The following HJURP variants were observed in gnomAD, a reference collection of about 807,000 sequenced individuals.
The protein encoded by HJURP is Holliday junction recognition protein, also known as 14-3-3-associated AKT substrate.
A neutral mutation model predicts 72.0 loss-of-function variants in HJURP; 49 were observed. The observed-to-expected ratio is 0.68, with a 90% CI of 0.54 to 0.86. The LOEUF (loss-of-function observed/expected upper bound fraction) is 0.86. Among genes scored for constraint, HJURP ranks in the 40% least tolerant of loss-of-function variants. HJURP has a pLI of 0.00. For missense variants in HJURP, 908 were observed against 936.3 expected (o/e 0.97, Z 0.39); for synonymous variants, 357 against 347.1 (o/e 1.03, Z -0.32).
chr2:233,837,916 C>T (rs952581404), intron 8 of HJURP, among the ~76,000 whole-genome samples: 2 of 152,246 alleles, frequency 1.3e-5, no homozygotes, highest in East Asian at 1.9e-4. Flanking sequence ...CCAGCTAGCG[C>T]TGCTGCACGA....
intron 5 of HJURP, 83 bp downstream of exon 5, chr2:233,847,314 C>A: frequency 9.4e-7 from 1 of 1,066,378 alleles, no homozygotes; most frequent in East Asian, 2.4e-5. Context: ...CAGCGCTGCC[C>A]GCCTCAGGCC....
Position 233,847,426 on chromosome 2 carries a change from G to C in HJURP, c.373C>G (p.Gln125Glu), listed in dbSNP as rs151051560. The C allele has an allele frequency of 5.6e-5, 90 of 1,613,996 alleles. No homozygotes were observed. The African/African-American group carries it at 1.0e-3, about 18-fold the overall frequency. ...KSGEVDATSD[Q>E]EESVAWALAP... The stretch of plus-strand genomic sequence containing the variant: ...AAGGCCCAAGCAACTGACTCTTCCT[G>C]GTCTGACGTGGCATCGACCTCACCG... The change falls in exon 5 of 9, where the codon CAG becomes GAG. Residue 125 changes from glutamine to glutamate, a missense_variant. Around this residue, in one of 3 missense-constraint regions of HJURP, gnomAD observed 299 missense variants for 286.7 expected, o/e 1.04. Transcript: ENST00000411486.
intron 1 of HJURP, 97 bp downstream of exon 1, chr2:233,854,287 G>T: frequency 1.3e-6 from 1 of 780,530 alleles, no homozygotes; most frequent in Non-Finnish European, 2.0e-6. Context: ...CCCCCGCTCC[G>T]AGTCCTCAGA....
Position 233,840,907 on chromosome 2 carries a change from C to G in HJURP, c.1873G>C (p.Gly625Arg). ...AAGTGAGGGTCTGGATTTAATTTTC[C>G]TAAGAAGCCTTCTGTTTGATATCGA... ...EVRYQTEGFL[G>R]KLNPDPHFQG... Residue 625 changes from glycine (G) to arginine (R), a missense_variant, in exon 8 of 9, where the codon GGA becomes CGA. Gly to Arg is a moderately radical substitution (Grantham distance 125). Around this residue, in one of 3 missense-constraint regions of HJURP, gnomAD observed 598 missense variants for 619.5 expected, o/e 0.97. Coordinates refer to ENST00000411486, the MANE Select transcript of HJURP (RefSeq NM_018410.5). 1 of 1,614,142 alleles carries G rather than the reference C, an allele frequency of 6.2e-7. No homozygotes were observed. Among genetic ancestry groups the G allele is most frequent in the South Asian group, 1.1e-5 (1 of 91,070 alleles).
rs181283022 is a variant in HJURP at position 233,841,744 on chromosome 2, C to A, written c.1036G>T (p.Val346Phe). The change falls in exon 8 of 9, where the codon GTT becomes TTT. Residue 346 changes from valine to phenylalanine, a missense_variant. By Grantham distance (50) the Val-to-Phe change is conservative (BLOSUM62 -1). Coordinates refer to ENST00000411486, the MANE Select transcript of HJURP (RefSeq NM_018410.5). ...ALRDCKNVLD[V>F]SCRKTGLKLE... ...TTTAAACCTGTCTTACGGCAAGAAA[C>A]ATCTAATACGTTCTTGCAATCTCTT... 3 of 1,614,052 alleles carry A rather than the reference C, an allele frequency of 1.9e-6. No homozygotes were observed. In the African/African-American group the frequency reaches 4.0e-5, roughly 22 times the overall value.
intron 3 of HJURP, among the ~76,000 whole-genome samples, chr2:233,851,804 C>A: frequency 6.6e-6 from 1 of 152,082 alleles, no homozygotes; most frequent in East Asian, 1.9e-4. Flanking sequence ...AATAATTAAT[C>A]AAGAAGATTT....
intron 7 of HJURP, 143 bp from the exon 8 acceptor site, chr2:233,842,348 T>G (rs1205034592): frequency 1.6e-6 from 1 of 643,072 alleles, no homozygotes; most frequent in Admixed American, 3.3e-5. Context: ...TGTGTAGGAG[T>G]AGACTCTTCT....
At position 233,837,668 on chromosome 2, in the gene HJURP, G is replaced by T. The variant is rs775548300; in HGVS notation, c.2172-16C>A. ...GTTCTCTCCTCTAGGAAAAAAAAAA[G>T]ACAAAGAAAATGATGTTAGCAAAAT... is the stretch of plus-strand genomic sequence containing the variant. On this transcript the variant is annotated splice_polypyrimidine_tract_variant and intron_variant, in intron 8 of 8. Transcript: ENST00000411486. The T allele has an allele frequency of 8.5e-6, 13 of 1,526,740 alleles. No individual in the cohort carries two copies. Among genetic ancestry groups the T allele is most frequent in the Non-Finnish European group, 9.8e-6 (11 of 1,118,434 alleles). The allele number at this position is 1,526,740 out of a possible 1,614,324, so 94.6% of individuals were successfully genotyped here. A position where few individuals can be genotyped will look rare whatever the true frequency, so the allele number is the denominator to read the frequency against.
chr2:233,843,037 CAT>C (rs901915716), intron 7 of HJURP, among the ~76,000 whole-genome samples: 2 of 152,234 alleles, frequency 1.3e-5, no homozygotes, highest in African/African-American at 2.4e-5. Context: ...TGGATTATAA[CAT>C]GTGAATCAAA....
intron 3 of HJURP, 35 bp from the exon 4 acceptor site, chr2:233,849,894 TTGAG>T (rs1394214740): frequency 7.9e-7 from 1 of 1,267,796 alleles, no homozygotes; most frequent in African/African-American, 1.5e-5. Flanking sequence ...ACATGGTTGT[TTGAG>T]TGACAGCACA....
Position 233,852,586 on chromosome 2 carries a change from T to C in HJURP, c.219A>G (p.Glu73=). 6.2e-7 allele frequency: 1 copy of C among 1,604,884 alleles called. No individual in the cohort carries two copies. The highest frequency in any genetic ancestry group is 8.5e-7 in the Non-Finnish European group (1 of 1,171,434). ...ATACCTGGATCTCTCCTTCGTTTCT[T>C]TCCTTTATTAGTCTTCCACCCCAAA... ...LRIWGGRLIK[E]RNEGEIQDSS... The change falls in exon 3 of 9, where the codon GAA becomes GAG. Residue 73 remains glutamate (E), a synonymous_variant. Coordinates refer to ENST00000411486, the MANE Select transcript of HJURP (RefSeq NM_018410.5).
rs562244726 is a variant in HJURP, at chr2:233,849,438, G to C, written c.337+325C>G. On this transcript the variant is annotated intron_variant, in intron 4 of 8. Transcript: ENST00000411486. Reference sequence around the variant, plus strand: ...GGACGAAGTGGGAAGCTGCCCTATAGAAGTGAGGGTTCACAACACCACCCT... The same window carrying C: ...GGACGAAGTGGGAAGCTGCCCTATACAAGTGAGGGTTCACAACACCACCCT... Among the ~76,000 whole-genome samples the C allele has an allele frequency of 1.2e-3, 182 of 152,238 alleles. 2 individuals are homozygous for C. Among genetic ancestry groups the C allele is most frequent in the African/African-American group, 4.2e-3 (173 of 41,536 alleles).
At chr2:233,851,023 C>T (rs546990948) in intron 3 of HJURP, among the ~76,000 whole-genome samples, 4 of 152,336 alleles carry the variant, frequency 2.6e-5, no homozygotes, top group South Asian at 2.1e-4. Flanking sequence ...GAGATGTCCC[C>T]GCTGAAATCT....
intron 1 of HJURP, 30 bp downstream of exon 1, chr2:233,854,354 C>A (rs764666346): frequency 2.0e-6 from 3 of 1,523,314 alleles, no homozygotes; most frequent in Non-Finnish European, 1.8e-6. Flanking sequence ...ACGCAGGCCT[C>A]CCCTCCCGGC....
At chr2:233,843,867 T>C (rs778158383) in intron 7 of HJURP, among the ~76,000 whole-genome samples, 1 of 152,222 alleles carries the variant, frequency 6.6e-6, no homozygotes, top group Non-Finnish European at 1.5e-5. Context: ...ACACACTGTG[T>C]GTGCACGTGT....
Position 233,849,959 on chromosome 2 carries a change from G to A in HJURP, c.241-100C>T, listed in dbSNP as rs1705461112. ...AACTGCAATCCTTCTGTTAACACAGGAGACAGCAAGAGCCTGCCACAAGGC... is the reference window on the plus strand; with the variant it reads ...AACTGCAATCCTTCTGTTAACACAGAAGACAGCAAGAGCCTGCCACAAGGC... On this transcript the variant is annotated intron_variant, in intron 3 of 8. Transcript: ENST00000411486. 7 of 703,546 alleles carry A rather than the reference G, an allele frequency of 9.9e-6. 1 individual carries two copies. The Middle Eastern group carries it at 1.2e-3, about 119-fold the overall frequency. 43.6% of individuals were successfully genotyped at this position (703,546 alleles called of 1,614,324 possible).
intron 7 of HJURP, 73 bp from the exon 8 acceptor site, chr2:233,842,278 C>T (rs1041341740): frequency 3.0e-6 from 4 of 1,312,604 alleles, no homozygotes; most frequent in East Asian, 4.6e-5. Context: ...GATGACAGAA[C>T]TTAAGATTGG....
chr2:233,854,017 C>T (rs1574653849), intron 1 of HJURP, 107 bp from the exon 2 acceptor site: 4 of 944,538 alleles, frequency 4.2e-6, no homozygotes, highest in Non-Finnish European at 6.6e-6. Flanking sequence ...TGGCCTGGGG[C>T]GCCCCAAACG....
rs1574640953 is a variant in HJURP, at chr2:233,840,617, T to C, written c.2163A>G (p.Ser721=). The change falls in exon 8 of 9, where the codon TCA becomes TCG. Residue 721 remains serine (S), a synonymous_variant. Coordinates refer to ENST00000411486, the MANE Select transcript of HJURP (RefSeq NM_018410.5). The stretch of plus-strand genomic sequence containing the variant: ...AACAGAAACACACCTACCTCTCTTC[T>C]GAGTTGGGCTGTGAAGAGCTGCCCT... ...GDQGSSSQPN[S]EERGENTSYR... is the part of the protein sequence containing the mutation. 2 of 1,587,044 alleles carry C rather than the reference T, an allele frequency of 1.3e-6. No individual in the cohort carries two copies. Among genetic ancestry groups the C allele is most frequent in the South Asian group, 2.3e-5 (2 of 86,512 alleles).
Sources: gnomAD v4.1 joint callset for allele counts (sites outside exome capture counted in the v4.1 genomes callset) on GRCh38, gnomAD v4.1.1 for gene constraint, gnomAD v4.1.1 regional missense constraint, MANE v1.5 for transcripts, NCBI Gene and HGNC (gene_info 2026-07-23, HGNC 2026-07-21) for gene names.